Variants in NUAK1 observed in about 807,000 individuals in gnomAD.
The protein encoded by NUAK1 is NUAK family SNF1-like kinase 1.
NUAK1 carries 26 observed loss-of-function variants against 56.9 expected under a neutral mutation model. The observed-to-expected ratio is 0.46, with a 90% CI of 0.33 to 0.63. The LOEUF (loss-of-function observed/expected upper bound fraction) is 0.63. Among genes scored for constraint, NUAK1 ranks in the 30% least tolerant of loss-of-function variants. The pLI is 0.02. For synonymous variants in NUAK1, 337 were observed against 336.0 expected, an observed-to-expected ratio of 1.00 and a Z score of -0.03; for missense variants, 727 against 876.1, an observed-to-expected ratio of 0.83 and a Z score of 2.15.
At chr12:106,097,701 C>T (rs904642676) in intron 2 of NUAK1, among the ~76,000 whole-genome samples, 3 of 152,270 alleles carry the variant, frequency 2.0e-5, no homozygotes, top group Middle Eastern at 3.4e-3. Context: ...GAAGGTTTTG[C>T]TTCTAACCTT....
chr12:106,084,213 C>A (rs1164514587), intron 3 of NUAK1, among the ~76,000 whole-genome samples: 3 of 152,146 alleles, frequency 2.0e-5, no homozygotes, highest in Non-Finnish European at 4.4e-5. Context: ...CAGGGGGATT[C>A]TTTGTCGGAA....
At chr12:106,137,436 T>C (rs762940678) in intron 1 of NUAK1, among the ~76,000 whole-genome samples, 22 of 152,312 alleles carry the variant, frequency 1.4e-4, no homozygotes, top group Admixed American at 4.6e-4. Context: ...AAGAACCATG[T>C]TAATTTTCTG....
intron 4 of NUAK1, among the ~76,000 whole-genome samples, chr12:106,080,286 G>A (rs1379560408): frequency 1.3e-5 from 2 of 152,180 alleles, no homozygotes; most frequent in Non-Finnish European, 2.9e-5. Flanking sequence ...AGCCCTGGGA[G>A]CTCACCAGAT....
At chr12:106,127,516 C>T (rs530248413) in intron 1 of NUAK1, among the ~76,000 whole-genome samples, 6 of 152,262 alleles carry the variant, frequency 3.9e-5, no homozygotes, top group South Asian at 2.1e-4. Context: ...ACCTCATACA[C>T]GTGTTTCAGA....
intron 1 of NUAK1, among the ~76,000 whole-genome samples, chr12:106,114,443 G>A (rs913660131): frequency 2.6e-5 from 4 of 152,222 alleles, no homozygotes; most frequent in African/African-American, 9.6e-5. Flanking sequence ...CAAGGTTGCT[G>A]TGGCAACATG....
intron 2 of NUAK1, among the ~76,000 whole-genome samples, chr12:106,102,125 A>C (rs1055574422): frequency 5.9e-5 from 9 of 152,184 alleles, no homozygotes; most frequent in Admixed American, 5.2e-4. Flanking sequence ...AAAGAAAGAA[A>C]AAGGACACAT....
At position 106,072,843 on chromosome 12, in the gene NUAK1, T is replaced by C. The variant is rs1196074651; in HGVS notation, c.580A>G (p.Ile194Val). 1 of 1,613,930 alleles carries C rather than the reference T, an allele frequency of 6.2e-7. No homozygotes were observed. The change falls in exon 5 of 7, where the codon ATT becomes GTT. Residue 194 changes from isoleucine (I) to valine (V), a missense_variant and splice_region_variant. Coordinates refer to ENST00000261402, the MANE Select transcript of NUAK1 (RefSeq NM_014840.3). The part of the protein sequence containing the change: ...ILLDDNCNIK[I>V]ADFGLSNLYQ... ...AGGTTGGAAAGCCCAAAGTCAGCAA[T>C]CTACAAAGAGAAGCAAGACCCAGGG...
chr12:106,131,889 A>T (rs2033082131), intron 1 of NUAK1, among the ~76,000 whole-genome samples: 1 of 152,200 alleles, frequency 6.6e-6, no homozygotes, highest in African/African-American at 2.4e-5. Flanking sequence ...GTGGGTCATC[A>T]GGCCCAGCCC....
At chr12:106,096,796 T>A (rs1003415410) in intron 2 of NUAK1, among the ~76,000 whole-genome samples, 1 of 152,170 alleles carries the variant, frequency 6.6e-6, no homozygotes, top group Non-Finnish European at 1.5e-5. Context: ...CCAAGACAAG[T>A]TTCCAGAGCA....
At position 106,120,198 on chromosome 12, in the gene NUAK1, A is replaced by G. The variant is rs372840606; in HGVS notation, c.241-13673T>C. Among the ~76,000 whole-genome samples the G allele has an allele frequency of 7.2e-5, 11 of 152,266 alleles. No homozygotes were observed. The East Asian group carries it at 2.1e-3, about 29-fold the overall frequency. ...CCAAGTCTACCACTTCCAATATCGC[A>G]GTCTCTACAGACCATGGCCTCCAAC... On this transcript the variant is annotated intron_variant, in intron 1 of 6. Coordinates refer to ENST00000261402, the MANE Select transcript of NUAK1 (RefSeq NM_014840.3).
At chr12:106,071,308 T>C (rs1234432942) in intron 5 of NUAK1, among the ~76,000 whole-genome samples, 2 of 152,220 alleles carry the variant, frequency 1.3e-5, no homozygotes, top group African/African-American at 4.8e-5. Flanking sequence ...AAAACTGGGA[T>C]GCGGGGCTCT....
intron 1 of NUAK1, among the ~76,000 whole-genome samples, chr12:106,113,476 T>C (rs1354843858): frequency 6.6e-6 from 1 of 151,824 alleles, no homozygotes; most frequent in Non-Finnish European, 1.5e-5. Flanking sequence ...AAATGCAGAT[T>C]CCTGGGCCCA....
chr12:106,066,169 A>G lies in NUAK1; in HGVS notation c.*633T>C, dbSNP rs1431167462. The G allele has an allele frequency of 6.5e-6, 1 of 153,220 alleles. No individual in the cohort carries two copies. Among genetic ancestry groups the G allele is most frequent in the Non-Finnish European group, 1.5e-5 (1 of 68,846 alleles). 9.5% of individuals were successfully genotyped at this position (153,220 alleles called of 1,614,324 possible). On this transcript the variant is annotated 3_prime_UTR_variant, in exon 7 of 7. Transcript: ENST00000261402. ...AACCCGATTCCCAGGGCCTAGCCAG[A>G]TCAAAGATGACAACTACATAGCATT...
intron 4 of NUAK1, among the ~76,000 whole-genome samples, chr12:106,080,588 A>G (rs1393789720): frequency 1.3e-5 from 2 of 152,256 alleles, no homozygotes; most frequent in Admixed American, 6.5e-5. Context: ...TCGCAGTGCC[A>G]GATAAATAAT....
chr12:106,071,777 A>G (rs910330041), intron 5 of NUAK1, among the ~76,000 whole-genome samples: 1 of 152,182 alleles, frequency 6.6e-6, no homozygotes, highest in African/African-American at 2.4e-5. Context: ...ATTGAGTTCT[A>G]TGCTCCTCCC....
chr12:106,074,004 T>C (rs1401775316), intron 4 of NUAK1, among the ~76,000 whole-genome samples: 2 of 152,190 alleles, frequency 1.3e-5, no homozygotes, highest in African/African-American at 4.8e-5. Flanking sequence ...TATATATGTA[T>C]ATGTATATGT....
chr12:106,105,658 G>C (rs974882116), intron 2 of NUAK1: 2 of 152,178 alleles, frequency 1.3e-5, no homozygotes, highest in African/African-American at 2.4e-5. Context: ...TATGGATAGA[G>C]AGCTATTTAT....
At chr12:106,112,605 C>A (rs774265898) in intron 1 of NUAK1, among the ~76,000 whole-genome samples, 1 of 152,198 alleles carries the variant, frequency 6.6e-6, no homozygotes, top group African/African-American at 2.4e-5. Flanking sequence ...GAACAACACC[C>A]CAGCAAGTTG....
At chr12:106,084,011 C>G (rs2032547427) in intron 3 of NUAK1, 82 bp from the exon 4 acceptor site, 1 of 1,182,166 alleles carries the variant, frequency 8.5e-7, no homozygotes, top group Admixed American at 1.7e-5. Context: ...GGAGGGTGAG[C>G]AAAGGGAAAT....
Sources: allele counts gnomAD v4.1 joint callset (sites outside exome capture counted in the v4.1 genomes callset), GRCh38; gene constraint gnomAD v4.1.1; transcripts MANE v1.5; gene names NCBI Gene and HGNC (gene_info 2026-07-23, HGNC 2026-07-21).